The following ADIG variants were observed in gnomAD, a reference collection of about 807,000 sequenced individuals.
ADIG encodes the protein adipogenin.
Under a neutral mutation model 10.7 loss-of-function variants are expected in ADIG, and 12 were observed. The ratio of observed to expected loss-of-function variants is 1.12; its 90% confidence interval spans 0.72 to 1.82. The LOEUF (loss-of-function observed/expected upper bound fraction) is 1.82. Among genes scored for constraint, ADIG ranks in the 40% most tolerant of loss-of-function variants. The pLI, the probability that ADIG is intolerant of heterozygous loss-of-function variation, is 0.00. For synonymous variants in ADIG, 32 were observed against 35.6 expected, an observed-to-expected ratio of 0.90 and a Z score of 0.36; for missense variants, 72 against 92.5, an observed-to-expected ratio of 0.78 and a Z score of 0.91.
Position 38,588,441 on chromosome 20 carries a change from C to G in ADIG, c.*355C>G. On this transcript the variant is annotated 3_prime_UTR_variant, in exon 3 of 3. Transcript: ENST00000537425. ...TAAAGAAGCAAGGGTCTTCCCATAC[C>G]CGGGGGACCCCTGACAAACCTACCA... The G allele has an allele frequency of 8.3e-7, 1 of 1,210,798 alleles. No homozygotes were observed. The highest frequency in any genetic ancestry group is 1.6e-5 in the African/African-American group (1 of 62,798). 75.0% of individuals were successfully genotyped at this position (1,210,798 alleles called of 1,614,324 possible). A position where few individuals can be genotyped will look rare whatever the true frequency, so the allele number is the denominator to read the frequency against.
At chr20:38,587,922 G>GA (rs1244756962) in intron 2 of ADIG, among the ~76,000 whole-genome samples, 179 bp from the exon 3 acceptor site, 1 of 152,054 alleles carries the variant, frequency 6.6e-6, no homozygotes, top group Non-Finnish European at 1.5e-5. Context: ...ATTTGTAGTA[G>GA]AGACAAGGTT....
intron 1 of ADIG, among the ~76,000 whole-genome samples, chr20:38,583,543 G>C (rs987623070): frequency 6.6e-6 from 1 of 152,228 alleles, no homozygotes; most frequent in African/African-American, 2.4e-5. Context: ...CACATCGTAG[G>C]TTCCTGTAGG....
At chr20:38,585,861 G>A (rs758499031) in intron 1 of ADIG, among the ~76,000 whole-genome samples, 168 bp from the exon 2 acceptor site, 12 of 152,172 alleles carry the variant, frequency 7.9e-5, no homozygotes, top group African/African-American at 1.2e-4. Flanking sequence ...ACCCTTTAAG[G>A]CCCTGAAGTC....
intron 2 of ADIG, 29 bp downstream of exon 2, chr20:38,586,190 C>G: frequency 6.5e-7 from 1 of 1,539,722 alleles, no homozygotes; most frequent in Non-Finnish European, 8.8e-7. Context: ...CCAGGGGGAG[C>G]CTCAAGGCCC....
chr20:38,587,055 C>G (rs2088643758), intron 2 of ADIG, among the ~76,000 whole-genome samples: 2 of 152,054 alleles, frequency 1.3e-5, no homozygotes, highest in Admixed American at 6.5e-5. Flanking sequence ...TGCTTGACAC[C>G]CTCTCATGCC....
intron 1 of ADIG, 47 bp from the exon 2 acceptor site, chr20:38,585,982 G>A: frequency 6.5e-7 from 1 of 1,540,656 alleles, no homozygotes; most frequent in Non-Finnish European, 8.8e-7. Context: ...TCAGGGGTAG[G>A]AGACAGGATG....
chr20:38,588,413 T>A lies in ADIG; in HGVS notation c.*327T>A. 1 of 1,227,594 alleles carries A rather than the reference T, an allele frequency of 8.1e-7. No homozygotes were observed. Among genetic ancestry groups the A allele is most frequent in the Non-Finnish European group, 1.0e-6 (1 of 953,350 alleles). The allele number at this position is 1,227,594 out of a possible 1,614,324, so 76.0% of individuals were successfully genotyped here. The stretch of plus-strand genomic sequence containing the variant: ...GGCTGGGCCGGAGGGTGTGGGTCCA[T>A]ATTAAAGAAGCAAGGGTCTTCCCAT... On this transcript the variant is annotated 3_prime_UTR_variant, in exon 3 of 3. Transcript: ENST00000537425.
chr20:38,581,805 C>T (rs898944871), intron 1 of ADIG, among the ~76,000 whole-genome samples: 5 of 152,222 alleles, frequency 3.3e-5, no homozygotes, highest in African/African-American at 1.2e-4. Context: ...CAATTGGCTG[C>T]TTTTGTGCAG....
chr20:38,586,874 T>C (rs1490757290), intron 2 of ADIG, among the ~76,000 whole-genome samples: 1 of 130,246 alleles, frequency 7.7e-6, no homozygotes, highest in East Asian at 2.2e-4. Flanking sequence ...CACACACACA[T>C]ACTCTCATGT....
At chr20:38,582,242 C>CA (rs2088596195) in intron 1 of ADIG, among the ~76,000 whole-genome samples, 1 of 152,162 alleles carries the variant, frequency 6.6e-6, no homozygotes, top group Admixed American at 6.5e-5. Flanking sequence ...ACAAGGAATA[C>CA]AAAAATTAGC....
In ADIG at chr20:38,586,069, G is replaced by A; in HGVS notation, c.165G>A (p.Glu55=). The A allele has an allele frequency of 1.2e-6, 2 of 1,610,822 alleles. No homozygotes were observed. The change falls in exon 2 of 3, where the codon GAG becomes GAA. Residue 55 remains glutamate, a synonymous_variant. Coordinates refer to ENST00000537425, the MANE Select transcript of ADIG (RefSeq NM_001393816.1). ...ENDSSVCLDW[E]PWSKGPAEFC... Reference sequence around the variant, plus strand: ...ACTCCAGTGTGTGCTTGGATTGGGAGCCCTGGAGCAAAGGCCCAGCTGAGT... The same window carrying A: ...ACTCCAGTGTGTGCTTGGATTGGGAACCCTGGAGCAAAGGCCCAGCTGAGT...
chr20:38,583,939 C>T (rs1419477359), intron 1 of ADIG, among the ~76,000 whole-genome samples: 2 of 152,082 alleles, frequency 1.3e-5, no homozygotes. Flanking sequence ...GGGAACTGAC[C>T]CAATGTCAGG....
Position 38,581,247 on chromosome 20 carries a change from C to A in ADIG, c.-4C>A, listed in dbSNP as rs778800882. The stretch of plus-strand genomic sequence containing the variant: ...GGCTGGCCCAGCTTAGCCACACATG[C>A]GCCATGAAGTACCCTTTGATGCCGC... On this transcript the variant is annotated 5_prime_UTR_variant, in exon 1 of 3. Coordinates refer to ENST00000537425, the MANE Select transcript of ADIG (RefSeq NM_001393816.1). The A allele has an allele frequency of 1.1e-5, 18 of 1,607,060 alleles. No individual in the cohort carries two copies. Among genetic ancestry groups the A allele is most frequent in the Non-Finnish European group, 1.4e-5 (17 of 1,176,660 alleles).
Position 38,581,198 on chromosome 20 carries a change from G to GGGCAGCCCT in ADIG, c.-51_-43dup, listed in dbSNP as rs1568999716. ...ATGGCCCAGCCTGCCAGGTCCCATG[G>GGGCAGCCCT]GGCAGCCCTGCCAGCCCAGCCCAGG... On this transcript the variant is annotated 5_prime_UTR_variant, in exon 1 of 3. Transcript: ENST00000537425. 40 of 1,564,678 alleles carry GGGCAGCCCT rather than the reference G, an allele frequency of 2.6e-5. No homozygotes were observed. Among genetic ancestry groups the GGGCAGCCCT allele is most frequent in the Non-Finnish European group, 3.3e-5 (38 of 1,153,930 alleles).
intron 1 of ADIG, among the ~76,000 whole-genome samples, chr20:38,583,635 A>G (rs1341437580): frequency 6.6e-6 from 1 of 152,210 alleles, no homozygotes; most frequent in East Asian, 1.9e-4. Flanking sequence ...CCTTCTCCAG[A>G]GAGGAGACAT....
intron 2 of ADIG, among the ~76,000 whole-genome samples, chr20:38,587,742 T>C (rs1177327603): frequency 8.3e-5 from 2 of 24,216 alleles, no homozygotes; most frequent in African/African-American, 1.2e-4. Context: ...TTTTTTCCCT[T>C]TTTTTTTTTT....
intron 1 of ADIG, among the ~76,000 whole-genome samples, chr20:38,584,383 T>G (rs1039975053): frequency 1.3e-5 from 2 of 152,232 alleles, no homozygotes; most frequent in African/African-American, 4.8e-5. Flanking sequence ...ATTTTCCTTT[T>G]GCGATTTGAA....
chr20:38,586,633 C>T (rs963841013), intron 2 of ADIG, among the ~76,000 whole-genome samples: 3 of 152,128 alleles, frequency 2.0e-5, no homozygotes, highest in East Asian at 1.9e-4. Flanking sequence ...CCTTCTAACA[C>T]GTTTGATCGT....
chr20:38,583,073 C>T (rs2088602783), intron 1 of ADIG, among the ~76,000 whole-genome samples: 1 of 152,170 alleles, frequency 6.6e-6, no homozygotes, highest in African/African-American at 2.4e-5. Context: ...CCGCCTCAGC[C>T]TCTCAAAGTG....
Sources: allele counts gnomAD v4.1 joint callset (sites outside exome capture counted in the v4.1 genomes callset), GRCh38; gene constraint gnomAD v4.1.1; transcripts MANE v1.5; gene names NCBI Gene and HGNC (gene_info 2026-07-23, HGNC 2026-07-21).